Variants in SDK1 observed in about 807,000 individuals in gnomAD.
SDK1 encodes the protein protein sidekick-1.
Under a neutral mutation model 245.5 loss-of-function variants are expected in SDK1, and 157 were observed. The observed-to-expected ratio is 0.64, with a 90% CI of 0.56 to 0.73. SDK1 has a LOEUF of 0.73. Ranked by LOEUF, SDK1 falls within the 30% of genes least tolerant of loss-of-function variation. The pLI, the probability that SDK1 is intolerant of heterozygous loss-of-function variation, is 0.00. For missense variants in SDK1, 3,583 were observed against 3,002.3 expected (o/e 1.19, Z -4.52); for synonymous variants, 1,647 against 1,278.5 (o/e 1.29, Z -6.15).
chr7:3,694,827 A>G (rs1784529634), intron 4 of SDK1, among the ~76,000 whole-genome samples: 1 of 152,202 alleles, frequency 6.6e-6, no homozygotes, highest in South Asian at 2.1e-4. Flanking sequence ...AGGATTCTTA[A>G]TAGTGACATG....
intron 5 of SDK1, among the ~76,000 whole-genome samples, chr7:3,902,757 A>G (rs565805479): frequency 2.3e-4 from 35 of 152,352 alleles, no homozygotes; most frequent in African/African-American, 8.2e-4. Context: ...ACAATGCTTC[A>G]TAAAGAGCTG....
chr7:3,706,756 T>C (rs554357433), intron 4 of SDK1, among the ~76,000 whole-genome samples: 1 of 152,284 alleles, frequency 6.6e-6, no homozygotes, highest in African/African-American at 2.4e-5. Context: ...CTGGTCTGTT[T>C]AGAGTTTCTG....
intron 4 of SDK1, among the ~76,000 whole-genome samples, chr7:3,809,774 G>A (rs1329875377): frequency 6.6e-6 from 1 of 152,212 alleles, no homozygotes; most frequent in Non-Finnish European, 1.5e-5. Context: ...CGAGGGTCAA[G>A]TCCTCTGCCT....
chr7:4,156,920 T>A (rs1280763457), intron 30 of SDK1, among the ~76,000 whole-genome samples: 1 of 152,182 alleles, frequency 6.6e-6, no homozygotes, highest in Non-Finnish European at 1.5e-5. Flanking sequence ...GTTGAGACTT[T>A]TAGACATGGG....
intron 1 of SDK1, among the ~76,000 whole-genome samples, chr7:3,458,739 C>G (rs1024904670): frequency 6.6e-6 from 1 of 152,086 alleles, no homozygotes; most frequent in African/African-American, 2.4e-5. Context: ...TCCAGTGCAG[C>G]GCAGTGTCAC....
At chr7:4,072,020 C>A (rs1445509574) in intron 20 of SDK1, among the ~76,000 whole-genome samples, 2 of 152,250 alleles carry the variant, frequency 1.3e-5, no homozygotes, top group African/African-American at 4.8e-5. Context: ...TAATAATTCA[C>A]GTTGAGCCAA....
rs574915439 is a variant in SDK1, at chr7:3,305,363, A to C, written c.298+3479A>C. ...TTTATTTTTAATCCTCGTGTTGGTT[A>C]ATCCCATAATGTCACTCAATTTCTC... On this transcript the variant is annotated intron_variant, in intron 1 of 44. Coordinates refer to ENST00000404826, the MANE Select transcript of SDK1 (RefSeq NM_152744.4). 6.0e-4 allele frequency among the ~76,000 whole-genome samples: 92 copies of C among 152,272 alleles called. 1 individual carries two copies. The highest frequency in any genetic ancestry group is 2.0e-3 in the African/African-American group (84 of 41,544).
chr7:3,483,441 C>T (rs967932723), intron 1 of SDK1, among the ~76,000 whole-genome samples: 5 of 152,044 alleles, frequency 3.3e-5, no homozygotes, highest in Non-Finnish European at 7.4e-5. Flanking sequence ...TTTGCGCTTG[C>T]CAAAATCCCT....
Position 3,378,215 on chromosome 7 carries a change from A to G in SDK1, c.298+76331A>G, listed in dbSNP as rs571644731. ...TACAATTAACATTGTTCTGTCTTCC[A>G]AGAGTCCCTCATAGTTTTGGTCTCA... On this transcript the variant is annotated intron_variant, in intron 1 of 44. Transcript: ENST00000404826. 1.1e-3 allele frequency among the ~76,000 whole-genome samples: 167 copies of G among 152,336 alleles called. 1 individual carries two copies. Among genetic ancestry groups the G allele is most frequent in the South Asian group, 9.1e-3 (44 of 4,818 alleles).
At chr7:3,378,734 C>G (rs748319204) in intron 1 of SDK1, among the ~76,000 whole-genome samples, 8 of 152,016 alleles carry the variant, frequency 5.3e-5, no homozygotes, top group African/African-American at 1.9e-4. Flanking sequence ...CACGCAGGAG[C>G]TCAGCTTCAG....
rs977395755 is a variant in SDK1 at position 3,763,370 on chromosome 7, A to G, written c.714-58080A>G. On this transcript the variant is annotated intron_variant, in intron 4 of 44. Coordinates refer to ENST00000404826, the MANE Select transcript of SDK1 (RefSeq NM_152744.4). ...TATAAACATTTTCATACGTACAGAA[A>G]AGCCAAAAGAATTGTAAAGTGAACA... 8.5e-5 allele frequency among the ~76,000 whole-genome samples: 13 copies of G among 152,216 alleles called. 1 individual carries two copies. Among genetic ancestry groups the G allele is most frequent in the Admixed American group, 8.5e-4 (13 of 15,278 alleles).
At chr7:3,790,470 G>C (rs1302357025) in intron 4 of SDK1, among the ~76,000 whole-genome samples, 1 of 152,122 alleles carries the variant, frequency 6.6e-6, no homozygotes, top group African/African-American at 2.4e-5. Flanking sequence ...GAAATCAGAA[G>C]CGAATGGCCC....
chr7:3,322,708 T>TA (rs1779847413), intron 1 of SDK1, among the ~76,000 whole-genome samples: 1 of 152,206 alleles, frequency 6.6e-6, no homozygotes, highest in South Asian at 2.1e-4. Context: ...CTTTGCAGTG[T>TA]AATCTCTTCC....
chr7:3,355,603 C>G (rs1161308858), intron 1 of SDK1, among the ~76,000 whole-genome samples: 1 of 152,218 alleles, frequency 6.6e-6, no homozygotes, highest in African/African-American at 2.4e-5. Context: ...TTCCCTCCAT[C>G]TTCACGGTAC....
At chr7:3,800,335 C>T (rs1779074868) in intron 4 of SDK1, among the ~76,000 whole-genome samples, 1 of 151,932 alleles carries the variant, frequency 6.6e-6, no homozygotes, top group South Asian at 2.1e-4. Flanking sequence ...TGCTCAGCTA[C>T]ACTAATCGCC....
chr7:3,859,436 GTTT>G (rs946699367), intron 5 of SDK1, among the ~76,000 whole-genome samples: 2 of 150,616 alleles, frequency 1.3e-5, no homozygotes, highest in Non-Finnish European at 3.0e-5. Context: ...GCTGGTTTTG[GTTT>G]TTTTTTCAGT....
Position 4,113,373 on chromosome 7 carries a change from C to T in SDK1, c.3519C>T (p.Pro1173=), listed in dbSNP as rs753658517. ...TCATCCAGACCCTGCAGGCCCCACC[C>T]GACGTGGCTCCAACCAGCGTCACGG... ...SRVIQTLQAP[P]DVAPTSVTVR... is the part of the protein sequence containing the mutation. The change falls in exon 24 of 45, where the codon CCC becomes CCT. Residue 1173 remains proline (P), a synonymous_variant. Transcript: ENST00000404826. 9.3e-6 allele frequency: 15 copies of T among 1,613,958 alleles called. No homozygotes were observed. The highest frequency in any genetic ancestry group is 4.4e-5 in the South Asian group (4 of 91,090).
chr7:3,540,853 G>T (rs1779034167), intron 1 of SDK1, among the ~76,000 whole-genome samples: 1 of 152,118 alleles, frequency 6.6e-6, no homozygotes, highest in African/African-American at 2.4e-5. Context: ...AATATTTCAA[G>T]GAATTTACAT....
At chr7:3,818,732 T>G (rs1037980533) in intron 4 of SDK1, among the ~76,000 whole-genome samples, 1 of 152,204 alleles carries the variant, frequency 6.6e-6, no homozygotes, top group Non-Finnish European at 1.5e-5. Flanking sequence ...GTTGGTTCAT[T>G]GGCTCTATGA....
Sources: allele counts gnomAD v4.1 joint callset (sites outside exome capture counted in the v4.1 genomes callset), GRCh38; gene constraint gnomAD v4.1.1; transcripts MANE v1.5; gene names NCBI Gene and HGNC (gene_info 2026-07-23, HGNC 2026-07-21).